Variants in SLC2A13 observed in about 807,000 individuals in gnomAD.
SLC2A13 encodes the protein proton myo-inositol cotransporter.
In SLC2A13, 32 loss-of-function variants were observed where a neutral mutation model predicts 64.4. That is an observed-to-expected ratio of 0.50 (90% CI 0.37 to 0.67). The LOEUF (loss-of-function observed/expected upper bound fraction) is 0.67, where lower values mean the gene tolerates loss of function less well. SLC2A13 is among the 30% of genes least tolerant of loss of function. The pLI is 0.00. For missense variants in SLC2A13, 743 were observed against 829.2 expected, an observed-to-expected ratio of 0.90 and a Z score of 1.28; for synonymous variants, 338 against 327.1, an observed-to-expected ratio of 1.03 and a Z score of -0.36.
chr12:40,060,193 GGAT>G (rs1304705529), intron 1 of SLC2A13, among the ~76,000 whole-genome samples: 1 of 152,066 alleles, frequency 6.6e-6, no homozygotes, highest in Non-Finnish European at 1.5e-5. Context: ...AGATGTGGAA[GGAT>G]GATGAATGGA....
intron 6 of SLC2A13, among the ~76,000 whole-genome samples, chr12:39,847,437 A>G (rs549732567): frequency 1.3e-5 from 2 of 152,246 alleles, no homozygotes; most frequent in East Asian, 1.9e-4. Flanking sequence ...ATTCTGTCCA[A>G]TGAGAAGTAT....
At chr12:39,940,238 T>C (rs1945996368) in intron 4 of SLC2A13, among the ~76,000 whole-genome samples, 1 of 152,220 alleles carries the variant, frequency 6.6e-6, no homozygotes, top group Non-Finnish European at 1.5e-5. Flanking sequence ...ACATTCATCC[T>C]GCATTGTGGA....
intron 2 of SLC2A13, among the ~76,000 whole-genome samples, chr12:40,045,597 G>A (rs200337316): frequency 1.3e-5 from 2 of 151,450 alleles, no homozygotes; most frequent in East Asian, 3.9e-4. Flanking sequence ...AAACATGTTT[G>A]CATGTGTACA....
intron 4 of SLC2A13, among the ~76,000 whole-genome samples, chr12:39,890,052 A>C (rs984497696): frequency 6.6e-6 from 1 of 152,266 alleles, no homozygotes; most frequent in African/African-American, 2.4e-5. Flanking sequence ...TTGGGTAGAA[A>C]CCCGATAATC....
At chr12:39,908,129 T>A (rs1945339831) in intron 4 of SLC2A13, 1 of 151,914 alleles carries the variant, frequency 6.6e-6, no homozygotes, top group African/African-American at 2.4e-5. Context: ...ATTCTGACAA[T>A]GAGGAGACAG....
chr12:40,004,357 T>C (rs1947374402), intron 3 of SLC2A13, among the ~76,000 whole-genome samples: 1 of 152,070 alleles, frequency 6.6e-6, no homozygotes, highest in South Asian at 2.1e-4. Flanking sequence ...GATAATTTTG[T>C]ATTTTTAGTA....
At chr12:39,833,854 C>T (rs906328823) in intron 6 of SLC2A13, among the ~76,000 whole-genome samples, 1 of 150,562 alleles carries the variant, frequency 6.6e-6, no homozygotes, top group Non-Finnish European at 1.5e-5. Context: ...AGCTCACACC[C>T]TAATCTTTTC....
chr12:39,905,174 G>T (rs944492969), intron 4 of SLC2A13, among the ~76,000 whole-genome samples: 1 of 152,120 alleles, frequency 6.6e-6, no homozygotes, highest in African/African-American at 2.4e-5. Context: ...TAAGAAAAAT[G>T]CTTTGTTTTT....
rs971147430 is a variant in SLC2A13 at position 39,919,366 on chromosome 12, T to A, written c.1034+31891A>T. ...AATATTGAAAAGATAACTGTGTGAT[T>A]ATGGACAAGTTCTTTATAGATTGCA... On this transcript the variant is annotated intron_variant, in intron 4 of 9. Coordinates refer to ENST00000280871, the MANE Select transcript of SLC2A13 (RefSeq NM_052885.4). Among the ~76,000 whole-genome samples the A allele has an allele frequency of 2.5e-4, 38 of 152,242 alleles. 1 individual carries two copies. The highest frequency in any genetic ancestry group is 8.4e-4 in the African/African-American group (35 of 41,510).
intron 3 of SLC2A13, among the ~76,000 whole-genome samples, chr12:40,025,200 C>T (rs950899553): frequency 2.0e-5 from 3 of 152,244 alleles, no homozygotes; most frequent in Admixed American, 6.5e-5. Flanking sequence ...TGCACTCCAA[C>T]CTTATTCCAT....
chr12:39,779,003 C>G (rs1426461540), intron 7 of SLC2A13, among the ~76,000 whole-genome samples: 1 of 152,140 alleles, frequency 6.6e-6, no homozygotes, highest in Non-Finnish European at 1.5e-5. Flanking sequence ...GAGTCAGAAC[C>G]AGGACGTAGG....
intron 4 of SLC2A13, among the ~76,000 whole-genome samples, chr12:39,942,177 G>A (rs1025292143): frequency 3.3e-5 from 5 of 152,096 alleles, no homozygotes; most frequent in African/African-American, 1.2e-4. Flanking sequence ...GCTTAGTCTT[G>A]CTTTGGCTAT....
At chr12:39,993,821 T>C (rs957952643) in intron 3 of SLC2A13, among the ~76,000 whole-genome samples, 1 of 152,224 alleles carries the variant, frequency 6.6e-6, no homozygotes, top group Non-Finnish European at 1.5e-5. Flanking sequence ...AGCCTACAAA[T>C]ATTTCCAAAC....
chr12:40,038,428 G>A (rs973955737), intron 2 of SLC2A13, among the ~76,000 whole-genome samples: 1 of 152,082 alleles, frequency 6.6e-6, no homozygotes, highest in African/African-American at 2.4e-5. Flanking sequence ...TCTGGAGACT[G>A]TCTAATGTAA....
intron 7 of SLC2A13, among the ~76,000 whole-genome samples, chr12:39,785,224 C>G (rs1941142686): frequency 6.6e-6 from 1 of 152,130 alleles, no homozygotes; most frequent in South Asian, 2.1e-4. Flanking sequence ...TTTTCTGGGC[C>G]AGGCCTGGGG....
At chr12:39,989,688 T>C (rs879476000) in intron 3 of SLC2A13, among the ~76,000 whole-genome samples, 2 of 152,170 alleles carry the variant, frequency 1.3e-5, no homozygotes, top group Non-Finnish European at 2.9e-5. Context: ...AAAAATATCA[T>C]CGCCATATGC....
intron 1 of SLC2A13, among the ~76,000 whole-genome samples, chr12:40,058,359 C>T (rs1239561363): frequency 2.0e-5 from 3 of 152,032 alleles, no homozygotes; most frequent in African/African-American, 7.2e-5. Context: ...ATACCTTTTG[C>T]ACTTGATCTT....
intron 3 of SLC2A13, among the ~76,000 whole-genome samples, chr12:39,955,085 CTTAGAATAT>C (rs1257459906): frequency 6.6e-6 from 1 of 152,148 alleles, no homozygotes; most frequent in Non-Finnish European, 1.5e-5. Context: ...TGGTCAATGT[CTTAGAATAT>C]TTACCTGAGG....
intron 7 of SLC2A13, among the ~76,000 whole-genome samples, chr12:39,811,697 T>A (rs1379860483): frequency 2.0e-5 from 3 of 152,192 alleles, no homozygotes; most frequent in Non-Finnish European, 2.9e-5. Context: ...CTTGATGAAT[T>A]GGCCACTTTA....
Sources: gnomAD v4.1 joint callset for allele counts (sites outside exome capture counted in the v4.1 genomes callset) on GRCh38, gnomAD v4.1.1 for gene constraint, MANE v1.5 for transcripts, NCBI Gene and HGNC (gene_info 2026-07-23, HGNC 2026-07-21) for gene names.